The following SIMC1 variants were observed in gnomAD, a reference collection of about 807,000 sequenced individuals.
SIMC1 encodes SUMO interacting motifs containing 1, also known as SUMO-interacting motif-containing protein 1.
Under a neutral mutation model 82.3 loss-of-function variants are expected in SIMC1, and 55 were observed. The ratio of observed to expected loss-of-function variants is 0.67; its 90% confidence interval spans 0.54 to 0.84. The LOEUF (loss-of-function observed/expected upper bound fraction) is 0.84, where lower values mean the gene tolerates loss of function less well. Ranked by LOEUF, SIMC1 falls within the 40% of genes least tolerant of loss-of-function variation. The pLI, the probability that SIMC1 is intolerant of heterozygous loss-of-function variation, is 0.00. For synonymous variants in SIMC1, 353 were observed against 426.3 expected (o/e 0.83, Z 2.12); for missense variants, 915 against 1,107.2 (o/e 0.83, Z 2.46).
At chr5:176,294,681 G>A (rs1458790310) in intron 2 of SIMC1, among the ~76,000 whole-genome samples, 2 of 151,244 alleles carry the variant, frequency 1.3e-5, no homozygotes, top group Non-Finnish European at 2.9e-5. Context: ...TAGAAATCCC[G>A]GCTCGGCGCC....
At chr5:176,244,968 A>G (rs1176664890) in intron 1 of SIMC1, among the ~76,000 whole-genome samples, 3 of 151,604 alleles carry the variant, frequency 2.0e-5, no homozygotes, top group Non-Finnish European at 4.4e-5. Context: ...TGATCCACCC[A>G]CCTCGGCCTC....
chr5:176,252,500 CG>C (rs1299063650), intron 1 of SIMC1, among the ~76,000 whole-genome samples: 2 of 144,888 alleles, frequency 1.4e-5, no homozygotes, highest in African/African-American at 5.2e-5. Flanking sequence ...ACATCCCAGA[CG>C]GGGTGGCGGG....
At chr5:176,304,520 G>A (rs980363267) in intron 4 of SIMC1, 8 of 156,526 alleles carry the variant, frequency 5.1e-5, no homozygotes, top group Admixed American at 2.0e-4. Flanking sequence ...GTGCAGTGGC[G>A]TGATCTCGGC....
chr5:176,338,156 T>G (rs966920556), intron 9 of SIMC1, among the ~76,000 whole-genome samples: 8 of 152,188 alleles, frequency 5.3e-5, no homozygotes, highest in Non-Finnish European at 1.0e-4. Context: ...GCCAGGACAC[T>G]TCAGACAAAA....
rs1012722167 is a variant in SIMC1, at chr5:176,252,076, C to T, written c.129+13439C>T. Among the ~76,000 whole-genome samples, 386 of 152,240 alleles carry T rather than the reference C, an allele frequency of 2.5e-3. 4 individuals are homozygous for T. Among genetic ancestry groups the T allele is most frequent in the African/African-American group, 8.8e-3 (365 of 41,552 alleles). On this transcript the variant is annotated intron_variant, in intron 1 of 9. Coordinates refer to ENST00000429602, the MANE Select transcript of SIMC1 (RefSeq NM_001308195.2). ...CAAAACCACCATTGTCATCATGGCC[C>T]GTTCTCAATGAGCTGTTGGGTACAC...
intron 1 of SIMC1, among the ~76,000 whole-genome samples, chr5:176,247,012 T>C (rs1036282049): frequency 1.3e-5 from 2 of 152,140 alleles, no homozygotes; most frequent in African/African-American, 4.8e-5. Context: ...CTATCATTGA[T>C]GGGCATTTGG....
intron 4 of SIMC1, among the ~76,000 whole-genome samples, chr5:176,305,628 G>A (rs1764308239): frequency 7.3e-6 from 1 of 137,644 alleles, no homozygotes; most frequent in East Asian, 2.2e-4. Flanking sequence ...GGGAGGTGAG[G>A]GGCGCCTCTG....
At chr5:176,309,301 G>A (rs930772269) in intron 4 of SIMC1, among the ~76,000 whole-genome samples, 2 of 152,134 alleles carry the variant, frequency 1.3e-5, no homozygotes, top group Non-Finnish European at 2.9e-5. Flanking sequence ...AATTATGCTG[G>A]AGCAATTAGA....
At chr5:176,329,736 A>C (rs75170821) in intron 7 of SIMC1, among the ~76,000 whole-genome samples, 3,201 of 152,326 alleles carry the variant, frequency 0.021, 49 homozygotes, top group Middle Eastern at 0.068. Context: ...TATACAATTC[A>C]AAAACGATTT....
intron 1 of SIMC1, among the ~76,000 whole-genome samples, chr5:176,255,743 A>T (rs1761833792): frequency 6.6e-6 from 1 of 150,620 alleles, no homozygotes. Context: ...AAGAAAAGAA[A>T]AGAAAGAAAG....
intron 1 of SIMC1, among the ~76,000 whole-genome samples, chr5:176,264,037 A>G (rs1278358095): frequency 2.0e-5 from 3 of 152,134 alleles, no homozygotes; most frequent in African/African-American, 7.2e-5. Context: ...CTCCAAAATA[A>G]TCTCCCTTAA....
chr5:176,293,709 C>T (rs1269877683), intron 2 of SIMC1, among the ~76,000 whole-genome samples: 1 of 150,042 alleles, frequency 6.7e-6, no homozygotes, highest in Admixed American at 6.7e-5. Flanking sequence ...GATCATGCCA[C>T]TGTGTTCCAG....
At chr5:176,243,776 C>T (rs1013502476) in intron 1 of SIMC1, among the ~76,000 whole-genome samples, 1 of 152,074 alleles carries the variant, frequency 6.6e-6, no homozygotes, top group African/African-American at 2.4e-5. Context: ...GCCTCGGCCT[C>T]CCAAAGTGCT....
At chr5:176,285,600 C>G (rs897276768) in intron 1 of SIMC1, among the ~76,000 whole-genome samples, 1 of 151,596 alleles carries the variant, frequency 6.6e-6, no homozygotes, top group African/African-American at 2.4e-5. Context: ...CCCTCTCTCA[C>G]CACTCCTATT....
intron 1 of SIMC1, among the ~76,000 whole-genome samples, chr5:176,259,516 T>G (rs970163846): frequency 1.6e-4 from 25 of 152,236 alleles, no homozygotes; most frequent in African/African-American, 6.0e-4. Flanking sequence ...CTCACGCCTA[T>G]AATCCCAACA....
rs750708709 is a variant in SIMC1, at chr5:176,289,656, C to T, written c.132C>T (p.Asp44=). 9 of 1,584,500 alleles carry T rather than the reference C, an allele frequency of 5.7e-6. No homozygotes were observed. The highest frequency in any genetic ancestry group is 1.3e-5 in the African/African-American group (1 of 74,104). Residue 44 remains aspartate, a splice_region_variant and synonymous_variant, in exon 2 of 10, where the codon GAC becomes GAT. Coordinates refer to ENST00000429602, the MANE Select transcript of SIMC1 (RefSeq NM_001308195.2). The part of the protein sequence containing the change: ...TSGALPRRTV[D]FIDLTRETRP... ...TTCTTCACACAATCCTTCAACAGGA[C>T]TTCATTGACTTAACTAGAGAGACCA...
At chr5:176,329,982 CTG>C (rs1765569106) in intron 7 of SIMC1, among the ~76,000 whole-genome samples, 1 of 152,124 alleles carries the variant, frequency 6.6e-6, no homozygotes, top group South Asian at 2.1e-4. Flanking sequence ...ACACATACGT[CTG>C]TGTGTATTCA....
intron 1 of SIMC1, among the ~76,000 whole-genome samples, chr5:176,252,701 G>C (rs1482779924): frequency 6.6e-6 from 1 of 151,700 alleles, no homozygotes; most frequent in African/African-American, 2.4e-5. Context: ...GACGATGGGC[G>C]GCCAGGCAGA....
intron 1 of SIMC1, among the ~76,000 whole-genome samples, chr5:176,287,638 A>T (rs1763350296): frequency 9.3e-6 from 1 of 107,736 alleles, no homozygotes. Flanking sequence ...ATAATTTTTT[A>T]AAAAGTTAAA....
Sources: gnomAD v4.1 joint callset for allele counts (sites outside exome capture counted in the v4.1 genomes callset) on GRCh38, gnomAD v4.1.1 for gene constraint, MANE v1.5 for transcripts, NCBI Gene and HGNC (gene_info 2026-07-23, HGNC 2026-07-21) for gene names.